The following PIAS2 variants were observed in gnomAD, a reference collection of about 807,000 sequenced individuals.
The protein encoded by PIAS2 is E3 SUMO-protein ligase PIAS2.
In PIAS2, 19 loss-of-function variants were observed where a neutral mutation model predicts 69.7. That is an observed-to-expected ratio of 0.27 (90% confidence interval 0.19 to 0.40). PIAS2 has a LOEUF of 0.40. Among genes scored for constraint, PIAS2 ranks in the 10% least tolerant of loss-of-function variants. The probability of loss-of-function intolerance (pLI) is 1.00; values close to 1 mark genes in which losing one functional copy is unlikely to be tolerated. For synonymous variants in PIAS2, 261 were observed against 263.2 expected, an observed-to-expected ratio of 0.99 and a Z score of 0.08; for missense variants, 624 against 757.0, an observed-to-expected ratio of 0.82 and a Z score of 2.06.
At chr18:46,818,590 C>T in intron 12 of PIAS2, 5 of 653,828 alleles carry the variant, frequency 7.6e-6, no homozygotes, top group Non-Finnish European at 1.1e-5. Context: ...AAACTCTTCA[C>T]AGTATGACTA....
At chr18:46,892,275 C>A (rs747349121) in intron 1 of PIAS2, among the ~76,000 whole-genome samples, 1 of 152,120 alleles carries the variant, frequency 6.6e-6, no homozygotes, top group Non-Finnish European at 1.5e-5. Flanking sequence ...TACTAAAATG[C>A]AAACAGATTT....
chr18:46,829,772 G>C lies in PIAS2; in HGVS notation c.1298C>G (p.Ala433Gly), dbSNP rs1051909128. Residue 433 changes from alanine (A) to glycine (G), a missense_variant, in exon 10 of 14, where the codon GCT (alanine) becomes GGT (glycine). Ala to Gly is a moderately conservative substitution (Grantham distance 60). Transcript: ENST00000585916. ...SWCPMRPKKE[A>G]MKVSSQPCTK... ...ACACGGTTGGCTGGATACTTTCATA[G>C]CTTCTTTCTTCGGTCTCATTGGACA... The C allele has an allele frequency of 1.9e-6, 3 of 1,613,410 alleles. No individual in the cohort carries two copies. The highest frequency in any genetic ancestry group is 2.5e-6 in the Non-Finnish European group (3 of 1,179,670).
At chr18:46,816,625 AATT>A (rs1555713866) in intron 12 of PIAS2, 6 of 255,092 alleles carry the variant, frequency 2.4e-5, no homozygotes, top group Non-Finnish European at 3.1e-5. Flanking sequence ...ATGCCCAGCT[AATT>A]ATTATTATTA....
intron 8 of PIAS2, among the ~76,000 whole-genome samples, chr18:46,839,627 G>T (rs1408381062): frequency 1.3e-5 from 2 of 151,976 alleles, no homozygotes; most frequent in East Asian, 1.9e-4. Context: ...CACTTTGGGA[G>T]GCCGAGGAGG....
chr18:46,892,695 G>A (rs912263904), intron 1 of PIAS2, among the ~76,000 whole-genome samples: 1 of 152,000 alleles, frequency 6.6e-6, no homozygotes, highest in Non-Finnish European at 1.5e-5. Flanking sequence ...GATCACTTGA[G>A]CCCAGGAATT....
chr18:46,890,818 A>T lies in PIAS2; in HGVS notation c.261T>A (p.Gly87=). Residue 87 remains glycine, a synonymous_variant, in exon 2 of 14, where the codon GGT becomes GGA. Coordinates refer to ENST00000585916, the MANE Select transcript of PIAS2 (RefSeq NM_004671.5). Reference sequence around the variant, plus strand: ...AGTCAGGTTCTACAGGTGATGAGCCACCATCCAAACTGAAAACCGATGATT... The same window carrying T: ...AGTCAGGTTCTACAGGTGATGAGCCTCCATCCAAACTGAAAACCGATGATT... The part of the protein sequence containing the change: ...TIKSSVFSLD[G]GSSPVEPDLA... 6.2e-7 allele frequency: 1 copy of T among 1,614,208 alleles called. No homozygotes were observed.
At chr18:46,856,931 C>T (rs1164658171) in intron 3 of PIAS2, among the ~76,000 whole-genome samples, 1 of 152,226 alleles carries the variant, frequency 6.6e-6, no homozygotes, top group Non-Finnish European at 1.5e-5. Flanking sequence ...TCCCAAGCTG[C>T]ACAACATTGT....
At chr18:46,911,797 C>A (rs879779321) in intron 1 of PIAS2, among the ~76,000 whole-genome samples, 5 of 152,192 alleles carry the variant, frequency 3.3e-5, no homozygotes, top group Admixed American at 6.5e-5. Context: ...TGTAATCCCA[C>A]CACTTTGGGA....
Position 46,806,487 on chromosome 18 carries a change from A to G in PIAS2, c.*5946T>C, listed in dbSNP as rs2040697048. 1 of 148,030 alleles carries G rather than the reference A, an allele frequency of 6.8e-6. No individual in the cohort carries two copies. Among genetic ancestry groups the G allele is most frequent in the African/African-American group, 2.5e-5 (1 of 40,260 alleles). 9.2% of individuals were successfully genotyped at this position (148,030 alleles called of 1,614,324 possible). On this transcript the variant is annotated 3_prime_UTR_variant, in exon 14 of 14. Transcript: ENST00000585916. ...ATTCTCATCCCTCAGCCTCCCAAGT[A>G]GCTGGGATTACAGACATGAGCCATC...
upstream of PIAS2, chr18:46,919,946 T>G (rs559562210): frequency 1.6e-6 from 1 of 615,382 alleles, no homozygotes; most frequent in Non-Finnish European, 2.6e-6. Flanking sequence ...TTTCGGGGAA[T>G]AGACGAATAG....
At chr18:46,814,846 T>C (rs928244480) in intron 13 of PIAS2, among the ~76,000 whole-genome samples, 3 of 152,188 alleles carry the variant, frequency 2.0e-5, no homozygotes, top group East Asian at 3.8e-4. Context: ...GATTGACATA[T>C]AGCAACTTTA....
chr18:46,859,535 C>G (rs908052229), intron 3 of PIAS2, among the ~76,000 whole-genome samples: 1 of 151,532 alleles, frequency 6.6e-6, no homozygotes, highest in Non-Finnish European at 1.5e-5. Flanking sequence ...AAGGCAGATT[C>G]CAATGCCATT....
At chr18:46,900,363 T>TAAA (rs1365745246) in intron 1 of PIAS2, among the ~76,000 whole-genome samples, 1 of 140,384 alleles carries the variant, frequency 7.1e-6, no homozygotes, top group South Asian at 2.3e-4. Flanking sequence ...ACTCCATCTT[T>TAAA]AAAAAAAAAA....
chr18:46,865,736 A>C (rs2049345105), intron 2 of PIAS2, among the ~76,000 whole-genome samples: 1 of 152,206 alleles, frequency 6.6e-6, no homozygotes, highest in Non-Finnish European at 1.5e-5. Flanking sequence ...GAAATGTCAC[A>C]AAATGGTTCA....
At chr18:46,916,529 G>C (rs531198522) in intron 1 of PIAS2, among the ~76,000 whole-genome samples, 1 of 152,092 alleles carries the variant, frequency 6.6e-6, no homozygotes, top group Admixed American at 6.6e-5. Flanking sequence ...ATCAGTCTGG[G>C]GGGAAAAAGT....
At chr18:46,906,129 T>C (rs1251237600) in intron 1 of PIAS2, 2 of 152,082 alleles carry the variant, frequency 1.3e-5, no homozygotes, top group African/African-American at 4.8e-5. Flanking sequence ...TCTGATAAAA[T>C]TCATTCATGA....
chr18:46,917,098 G>T (rs946122875), intron 1 of PIAS2: 8 of 989,380 alleles, frequency 8.1e-6, no homozygotes, highest in African/African-American at 7.0e-5. Flanking sequence ...CTCAGGAGCC[G>T]GCTCGCCGCG....
chr18:46,805,395 G>A lies in PIAS2; in HGVS notation c.*7038C>T, dbSNP rs2040639490. On this transcript the variant is annotated 3_prime_UTR_variant, in exon 14 of 14. Transcript: ENST00000585916. ...TATTAATAATAATGACCAGAATCAA[G>A]GAAGGCAAGGAACACTGTGAGTCAA... The A allele has an allele frequency of 6.6e-6, 1 of 152,214 alleles. No homozygotes were observed. Among genetic ancestry groups the A allele is most frequent in the Non-Finnish European group, 1.5e-5 (1 of 68,056 alleles). The allele number at this position is 152,214 out of a possible 1,614,324, so 9.4% of individuals were successfully genotyped here.
chr18:46,809,378 A>T lies in PIAS2; in HGVS notation c.*3055T>A, dbSNP rs1379075851. 1 of 152,222 alleles carries T rather than the reference A, an allele frequency of 6.6e-6. No individual in the cohort carries two copies. Among genetic ancestry groups the T allele is most frequent in the African/African-American group, 2.4e-5 (1 of 41,450 alleles). 9.4% of individuals were successfully genotyped at this position (152,222 alleles called of 1,614,324 possible). A position where few individuals can be genotyped will look rare whatever the true frequency, so the allele number is the denominator to read the frequency against. On this transcript the variant is annotated 3_prime_UTR_variant, in exon 14 of 14. Transcript: ENST00000585916. ...GAGTGACAACAGACCTCAGGCACGA[A>T]ACTATTTTCAGCACCAATTACACTG...
Sources: allele counts gnomAD v4.1 joint callset (sites outside exome capture counted in the v4.1 genomes callset), GRCh38; gene constraint gnomAD v4.1.1; transcripts MANE v1.5; gene names NCBI Gene and HGNC (gene_info 2026-07-23, HGNC 2026-07-21).